The following RTN1 variants were observed in gnomAD, a reference collection of about 807,000 sequenced individuals.
RTN1 encodes the protein reticulon 1.
RTN1 carries 25 observed loss-of-function variants against 65.5 expected under a neutral mutation model. The observed-to-expected ratio is 0.38, with a 90% CI of 0.28 to 0.53. RTN1 has a LOEUF of 0.53. Among genes scored for constraint, RTN1 ranks in the 20% least tolerant of loss-of-function variants. The pLI is 0.79. For synonymous variants in RTN1, 471 were observed against 447.6 expected (o/e 1.05, Z -0.66); for missense variants, 983 against 1,025.4 (o/e 0.96, Z 0.57).
chr14:59,704,655 A>T (rs1056975344), intron 3 of RTN1, among the ~76,000 whole-genome samples: 2 of 152,210 alleles, frequency 1.3e-5, no homozygotes, highest in African/African-American at 4.8e-5. Flanking sequence ...AGTAAAAGGA[A>T]ATTGGAGAAA....
chr14:59,715,707 T>G (rs1033183564), intron 3 of RTN1, among the ~76,000 whole-genome samples: 3 of 152,014 alleles, frequency 2.0e-5, no homozygotes, highest in African/African-American at 7.2e-5. Flanking sequence ...GCACCTGTAA[T>G]CCTAGCTACT....
intron 4 of RTN1, 112 bp from the exon 5 acceptor site, chr14:59,605,618 G>T (rs1881718371): frequency 2.0e-5 from 23 of 1,160,356 alleles, no homozygotes; most frequent in South Asian, 1.3e-4. Flanking sequence ...GTGAGAGCAG[G>T]AGTCATCTCT....
intron 3 of RTN1, among the ~76,000 whole-genome samples, chr14:59,696,242 TA>T (rs1566688547): frequency 2.6e-5 from 4 of 152,336 alleles, no homozygotes; most frequent in African/African-American, 9.6e-5. Flanking sequence ...ACCTTGCTTT[TA>T]AAAGCTGCAG....
intron 3 of RTN1, among the ~76,000 whole-genome samples, chr14:59,687,388 G>A (rs1462664324): frequency 6.6e-6 from 1 of 151,738 alleles, no homozygotes; most frequent in Non-Finnish European, 1.5e-5. Flanking sequence ...AGTAGTCGGA[G>A]CCAGCCTATC....
intron 3 of RTN1, among the ~76,000 whole-genome samples, chr14:59,625,191 T>A (rs1275764563): frequency 6.6e-6 from 1 of 152,216 alleles, no homozygotes; most frequent in Non-Finnish European, 1.5e-5. Flanking sequence ...TATATAGTAA[T>A]CATAATATTT....
rs192103912 is a variant in RTN1 at position 59,596,731 on chromosome 14, G to A, written c.*14C>T. 59 of 1,599,618 alleles carry A rather than the reference G, an allele frequency of 3.7e-5. No homozygotes were observed. The highest frequency in any genetic ancestry group is 2.2e-4 in the Admixed American group (13 of 59,984). ...ACATTCCTGTTTGTGTCCAGTCCCCGGTGGGAAATCAGTTTACTCAGCATG... is the reference window on the plus strand; with the variant it reads ...ACATTCCTGTTTGTGTCCAGTCCCCAGTGGGAAATCAGTTTACTCAGCATG... On this transcript the variant is annotated 3_prime_UTR_variant, in exon 9 of 9. Transcript: ENST00000267484.
intron 1 of RTN1, among the ~76,000 whole-genome samples, chr14:59,822,161 GTTT>G (rs1351890821): frequency 6.6e-6 from 1 of 152,108 alleles, no homozygotes; most frequent in Non-Finnish European, 1.5e-5. Context: ...TGGTTGGTAG[GTTT>G]TTTATTGTTG....
At chr14:59,623,991 T>A (rs1292833416) in intron 3 of RTN1, among the ~76,000 whole-genome samples, 2 of 152,228 alleles carry the variant, frequency 1.3e-5, no homozygotes, top group Non-Finnish European at 2.9e-5. Context: ...TTAAAGCATT[T>A]TCTTTGTAAA....
At chr14:59,628,269 C>G (rs963994490) in intron 3 of RTN1, among the ~76,000 whole-genome samples, 2 of 152,162 alleles carry the variant, frequency 1.3e-5, no homozygotes, top group Non-Finnish European at 2.9e-5. Context: ...TCAATTGAAT[C>G]AGAATCTCAA....
intron 1 of RTN1, among the ~76,000 whole-genome samples, chr14:59,833,619 T>C (rs1455242636): frequency 6.6e-6 from 1 of 152,150 alleles, no homozygotes. Flanking sequence ...GGTGTACATA[T>C]AACTTTGTCC....
At chr14:59,743,078 C>T (rs1375867739) in intron 2 of RTN1, among the ~76,000 whole-genome samples, 6 of 152,102 alleles carry the variant, frequency 3.9e-5, no homozygotes, top group African/African-American at 1.4e-4. Flanking sequence ...CTGAATATGC[C>T]TTGCTTAGAA....
In RTN1 at chr14:59,870,338, T is replaced by A; in HGVS notation, c.241+52A>T. On this transcript the variant is annotated intron_variant, in intron 1 of 8. Transcript: ENST00000267484. The surrounding 1 kb of genome is among the most constrained non-coding windows in gnomAD (Gnocchi z 5.1). ...GAGAGCCGCGCAGAAGGGGACTGACTGGGGGGCCCTGGTCCCCGACGCCAT... is the reference window on the plus strand; with the variant it reads ...GAGAGCCGCGCAGAAGGGGACTGACAGGGGGGCCCTGGTCCCCGACGCCAT... 1 of 1,423,366 alleles carries A rather than the reference T, an allele frequency of 7.0e-7. No homozygotes were observed. Among genetic ancestry groups the A allele is most frequent in the East Asian group, 2.8e-5 (1 of 35,844 alleles). 88.2% of individuals were successfully genotyped at this position (1,423,366 alleles called of 1,614,324 possible). A position where few individuals can be genotyped will look rare whatever the true frequency, so the allele number is the denominator to read the frequency against.
chr14:59,844,964 T>C (rs1887379435), intron 1 of RTN1, among the ~76,000 whole-genome samples: 1 of 152,228 alleles, frequency 6.6e-6, no homozygotes, highest in Non-Finnish European at 1.5e-5. Flanking sequence ...ATTATAAGAA[T>C]GCAACTGTGC....
At chr14:59,732,677 C>G (rs1401450495) in intron 2 of RTN1, among the ~76,000 whole-genome samples, 1 of 152,210 alleles carries the variant, frequency 6.6e-6, no homozygotes, top group Non-Finnish European at 1.5e-5. Context: ...AGCAGAGCAG[C>G]TGCTCAGGCA....
At chr14:59,671,954 C>G (rs1213175666) in intron 3 of RTN1, among the ~76,000 whole-genome samples, 1 of 152,218 alleles carries the variant, frequency 6.6e-6, no homozygotes, top group Non-Finnish European at 1.5e-5. Flanking sequence ...CATCTAGTTC[C>G]TGCTTTTCTC....
intron 3 of RTN1, among the ~76,000 whole-genome samples, chr14:59,710,400 T>C (rs1381923673): frequency 6.6e-6 from 1 of 152,222 alleles, no homozygotes; most frequent in African/African-American, 2.4e-5. Flanking sequence ...CATTCCAAGC[T>C]TGACATAAAT....
chr14:59,725,456 T>C (rs1030133393), intron 3 of RTN1, among the ~76,000 whole-genome samples: 6 of 152,202 alleles, frequency 3.9e-5, no homozygotes, highest in Non-Finnish European at 7.3e-5. Flanking sequence ...TAATACTTTT[T>C]CCTGTGGTTC....
At chr14:59,726,398 A>T (rs1032616490) in intron 3 of RTN1, among the ~76,000 whole-genome samples, 2 of 152,110 alleles carry the variant, frequency 1.3e-5, no homozygotes, top group African/African-American at 2.4e-5. Context: ...GGACATAAAA[A>T]CCTTACCAAG....
rs1191274568 is a variant in RTN1 at position 59,868,060 on chromosome 14, G to A, written c.241+2330C>T. Reference sequence around the variant, plus strand: ...AATAGGCATCTCTGATACAATTGAGGGCTCACCTGCTAACTTTGCTTATAG... The same window carrying A: ...AATAGGCATCTCTGATACAATTGAGAGCTCACCTGCTAACTTTGCTTATAG... On this transcript the variant is annotated intron_variant, in intron 1 of 8. Coordinates refer to ENST00000267484, the MANE Select transcript of RTN1 (RefSeq NM_021136.3). The surrounding 1 kb of genome is among the most constrained non-coding windows in gnomAD (Gnocchi z 4.0). Among the ~76,000 whole-genome samples the A allele has an allele frequency of 6.6e-6, 1 of 152,132 alleles. No homozygotes were observed. The highest frequency in any genetic ancestry group is 6.5e-5 in the Admixed American group (1 of 15,282).
Sources: allele counts gnomAD v4.1 joint callset (sites outside exome capture counted in the v4.1 genomes callset), GRCh38; gene constraint gnomAD v4.1.1; non-coding constraint Gnocchi (gnomAD v3.1); transcripts MANE v1.5; gene names NCBI Gene and HGNC (gene_info 2026-07-23, HGNC 2026-07-21).